The following DNAH11 variants were observed in gnomAD, a reference collection of about 807,000 sequenced individuals.
DNAH11 encodes axonemal beta dynein heavy chain 11.
DNAH11 carries 442 observed loss-of-function variants against 526.0 expected under a neutral mutation model. That is an observed-to-expected ratio of 0.84 (90% CI 0.78 to 0.91). The LOEUF is 0.91. Among genes scored for constraint, DNAH11 ranks in the 40% least tolerant of loss-of-function variants. DNAH11 has a pLI of 0.00. For missense variants in DNAH11, 6,989 were observed against 5,448.7 expected (o/e 1.28, Z -8.90); for synonymous variants, 2,461 against 1,935.9 (o/e 1.27, Z -7.12).
chr7:21,590,049 G>A (rs1784618419), intron 12 of DNAH11, among the ~76,000 whole-genome samples: 1 of 151,908 alleles, frequency 6.6e-6, no homozygotes, highest in African/African-American at 2.4e-5. Context: ...TATTGAACAG[G>A]TCTTTTGTTA....
In DNAH11 at chr7:21,864,660, A is replaced by G; in HGVS notation, c.11496+3A>G. The G allele has an allele frequency of 6.3e-7, 1 of 1,581,104 alleles. No homozygotes were observed. The highest frequency in any genetic ancestry group is 8.6e-7 in the Non-Finnish European group (1 of 1,165,204). ...CTCAGTCATGGAGTGCTATCAAGGT[A>G]TGTTAGGAATACAGTTTCTCAAATT... On this transcript the variant is annotated splice_donor_region_variant and intron_variant, in intron 70 of 81. Transcript: ENST00000409508.
intron 28 of DNAH11, among the ~76,000 whole-genome samples, chr7:21,651,332 G>A (rs1219918084): frequency 2.0e-5 from 3 of 151,942 alleles, no homozygotes; most frequent in East Asian, 1.9e-4. Context: ...GTAAGCTGCC[G>A]TAATTTCATC....
In DNAH11 at chr7:21,710,722, C is replaced by T. The variant is rs1390209795; in HGVS notation, c.6834+19C>T. 1.2e-6 allele frequency: 2 copies of T among 1,600,430 alleles called. No homozygotes were observed. Among genetic ancestry groups the T allele is most frequent in the South Asian group, 1.1e-5 (1 of 88,042 alleles). ...TAACAAGGTGAATAAAACCTCTGTT[C>T]TCAACCTTAAATATAACATCCTGAG... On this transcript the variant is annotated intron_variant, in intron 41 of 81. Transcript: ENST00000409508.
Position 21,869,097 on chromosome 7 carries a change from G to C in DNAH11, c.11967+106G>C, listed in dbSNP as rs144415372. On this transcript the variant is annotated intron_variant, in intron 73 of 81. Coordinates refer to ENST00000409508, the MANE Select transcript of DNAH11 (RefSeq NM_001277115.2). Reference sequence around the variant, plus strand: ...CTCCCTTAACACCGCTGTGCATGGCGATTTGCAGAGTGCAAGCAGTACTGT... The same window carrying C: ...CTCCCTTAACACCGCTGTGCATGGCCATTTGCAGAGTGCAAGCAGTACTGT... The C allele has an allele frequency of 6.0e-6, 9 of 1,492,606 alleles. No individual in the cohort carries two copies. In the Admixed American group the frequency reaches 1.8e-4, roughly 29 times the overall value. The allele number at this position is 1,492,606 out of a possible 1,614,324, so 92.5% of individuals were successfully genotyped here. A position where few individuals can be genotyped will look rare whatever the true frequency, so the allele number is the denominator to read the frequency against.
intron 46 of DNAH11, among the ~76,000 whole-genome samples, chr7:21,738,241 T>C (rs1287236646): frequency 2.0e-5 from 3 of 152,220 alleles, no homozygotes; most frequent in African/African-American, 4.8e-5. Context: ...CACACTGTTC[T>C]TGTGCCTCTG....
At chr7:21,632,851 C>A (rs1208954139) in intron 25 of DNAH11, among the ~76,000 whole-genome samples, 1 of 152,182 alleles carries the variant, frequency 6.6e-6, no homozygotes, top group Non-Finnish European at 1.5e-5. Context: ...GGTGTCTTTT[C>A]AATAGCACCC....
chr7:21,686,635 C>G (rs1011200665), intron 32 of DNAH11, among the ~76,000 whole-genome samples: 3 of 151,068 alleles, frequency 2.0e-5, no homozygotes, highest in Non-Finnish European at 4.5e-5. Flanking sequence ...TATTTGTATA[C>G]TATGTATTTA....
At chr7:21,707,904 C>G in intron 40 of DNAH11, 69 bp downstream of exon 40, 1 of 1,472,070 alleles carries the variant, frequency 6.8e-7, no homozygotes, top group South Asian at 1.5e-5. Context: ...CAGTACAAGC[C>G]AATTTTAGTC....
Position 21,548,577 on chromosome 7 carries a change from C to A in DNAH11, c.495+3428C>A, listed in dbSNP as rs1006310583. Among the ~76,000 whole-genome samples the A allele has an allele frequency of 6.6e-5, 10 of 152,066 alleles. 1 individual carries two copies. The highest frequency in any genetic ancestry group is 3.9e-4 in the Admixed American group (6 of 15,274). The stretch of plus-strand genomic sequence containing the variant: ...GTATTTTCGGGTGTCTTAGGAAATG[C>A]CAGAGTGAAGGCAATTGGACTAAAG... On this transcript the variant is annotated intron_variant, in intron 2 of 81. Transcript: ENST00000409508.
intron 65 of DNAH11, among the ~76,000 whole-genome samples, chr7:21,836,615 T>C (rs927394789): frequency 6.6e-6 from 1 of 152,152 alleles, no homozygotes; most frequent in African/African-American, 2.4e-5. Flanking sequence ...AAGACTTAAA[T>C]GTAATACCTG....
intron 40 of DNAH11, among the ~76,000 whole-genome samples, chr7:21,709,193 T>A (rs1784375063): frequency 6.6e-6 from 1 of 152,084 alleles, no homozygotes; most frequent in African/African-American, 2.4e-5. Flanking sequence ...CCATTAATGG[T>A]GGATTAAAGA....
intron 54 of DNAH11, among the ~76,000 whole-genome samples, chr7:21,752,214 A>G (rs1265674629): frequency 1.3e-5 from 2 of 152,248 alleles, no homozygotes; most frequent in Non-Finnish European, 2.9e-5. Context: ...GCTTGCTTCT[A>G]CAGGATAAAT....
chr7:21,704,876 G>T (rs943821498), intron 38 of DNAH11, among the ~76,000 whole-genome samples: 3 of 152,092 alleles, frequency 2.0e-5, no homozygotes, highest in African/African-American at 7.2e-5. Context: ...TTTTAATTAG[G>T]TTACAAAACT....
intron 25 of DNAH11, among the ~76,000 whole-genome samples, chr7:21,627,876 A>G (rs1482175158): frequency 6.6e-6 from 1 of 152,132 alleles, no homozygotes; most frequent in Non-Finnish European, 1.5e-5. Context: ...TAATATTGTC[A>G]TTTTAACAAT....
intron 25 of DNAH11, among the ~76,000 whole-genome samples, chr7:21,629,152 CTTCATTGA>C (rs1219063614): frequency 1.3e-5 from 2 of 151,764 alleles, no homozygotes; most frequent in Non-Finnish European, 1.5e-5. Flanking sequence ...TTCTTAATTT[CTTCATTGA>C]TTCATTGGTT....
At chr7:21,623,046 A>T (rs1229829167) in intron 25 of DNAH11, among the ~76,000 whole-genome samples, 1 of 151,976 alleles carries the variant, frequency 6.6e-6, no homozygotes, top group African/African-American at 2.4e-5. Flanking sequence ...ACAAAATGGG[A>T]GAAAATTTTC....
intron 36 of DNAH11, among the ~76,000 whole-genome samples, chr7:21,700,659 CAT>C: frequency 6.6e-6 from 1 of 152,244 alleles, no homozygotes. Context: ...CACATGCACA[CAT>C]ATGTTTACTG....
rs775801944 is a variant in DNAH11, at chr7:21,564,307, C to G, written c.1104C>G (p.Ile368Met). ...TAATCGCTCCATTATTTCATACCAT[C>G]TGTCTGATCTGGAGTCATTCCAAGT... Reference protein sequence around the residue: ...RILIAPLFHTICLIWSHSKFY... With the variant: ...RILIAPLFHTMCLIWSHSKFY... Residue 368 changes from isoleucine (I) to methionine (M), a missense_variant, in exon 6 of 82, where the codon ATC (isoleucine) becomes ATG (methionine). Transcript: ENST00000409508. 1 of 1,613,604 alleles carries G rather than the reference C, an allele frequency of 6.2e-7. No individual in the cohort carries two copies. Among genetic ancestry groups the G allele is most frequent in the Non-Finnish European group, 8.5e-7 (1 of 1,179,682 alleles).
intron 65 of DNAH11, among the ~76,000 whole-genome samples, chr7:21,839,126 A>G (rs1388195902): frequency 6.6e-6 from 1 of 152,114 alleles, no homozygotes; most frequent in East Asian, 1.9e-4. Flanking sequence ...CTTATTGGTC[A>G]TTTGTGTTTC....
Sources: gnomAD v4.1 joint callset for allele counts (sites outside exome capture counted in the v4.1 genomes callset) on GRCh38, gnomAD v4.1.1 for gene constraint, MANE v1.5 for transcripts, NCBI Gene and HGNC (gene_info 2026-07-23, HGNC 2026-07-21) for gene names.